Variants in DENND6A observed in about 807,000 individuals in gnomAD.
The protein encoded by DENND6A is DENN domain containing 6A.
In DENND6A, 43 loss-of-function variants were observed where a neutral mutation model predicts 95.5. That is an observed-to-expected ratio of 0.45 (90% CI 0.35 to 0.58). The LOEUF (loss-of-function observed/expected upper bound fraction) is 0.58. DENND6A is among the 20% of genes least tolerant of loss of function. The pLI, the probability that DENND6A is intolerant of heterozygous loss-of-function variation, is 0.00. For synonymous variants in DENND6A, 257 were observed against 260.4 expected (o/e 0.99, Z 0.13); for missense variants, 574 against 736.0 (o/e 0.78, Z 2.55).
At chr3:57,681,470 A>G (rs764404065) in intron 1 of DENND6A, among the ~76,000 whole-genome samples, 3 of 151,910 alleles carry the variant, frequency 2.0e-5, no homozygotes, top group Non-Finnish European at 4.4e-5. Context: ...CCTCAAAAAA[A>G]AAAATTAGGC....
intron 1 of DENND6A, among the ~76,000 whole-genome samples, chr3:57,678,362 C>T (rs1023961414): frequency 3.3e-5 from 5 of 152,196 alleles, no homozygotes; most frequent in African/African-American, 1.2e-4. Flanking sequence ...ACCTCACACA[C>T]TGAACTGCCC....
At position 57,627,222 on chromosome 3, in the gene DENND6A, C is replaced by G. The variant is rs1307745665; in HGVS notation, c.*992G>C. On this transcript the variant is annotated 3_prime_UTR_variant, in exon 20 of 20. Coordinates refer to ENST00000311128, the MANE Select transcript of DENND6A (RefSeq NM_152678.3). Reference sequence around the variant, plus strand: ...CCAGGGGTGTAATCTCAGCTCACTGCAACCTCCGCCTCCCAGGTTCAAGTG... The same window carrying G: ...CCAGGGGTGTAATCTCAGCTCACTGGAACCTCCGCCTCCCAGGTTCAAGTG... The G allele has an allele frequency of 6.6e-6, 1 of 152,238 alleles. No homozygotes were observed. The highest frequency in any genetic ancestry group is 2.4e-5 in the African/African-American group (1 of 41,436). The allele number at this position is 152,238 out of a possible 1,614,324, so 9.4% of individuals were successfully genotyped here.
Position 57,634,761 on chromosome 3 carries a change from G to T in DENND6A, c.1141C>A (p.Pro381Thr), listed in dbSNP as rs561255155. Residue 381 changes from proline (P) to threonine (T), a missense_variant, in exon 13 of 20, where the codon CCT becomes ACT. Physicochemically the swap from Pro to Thr is conservative, Grantham distance 38 (BLOSUM62 -1). Around this residue, in one of 2 missense-constraint regions of DENND6A, gnomAD observed 452 missense variants for 630.9 expected, o/e 0.72. Transcript: ENST00000311128. ...IGDLKPTGEI[P>T]KQVKVKKLKN... ...AGTTTTTTCACTTTAACCTGCTTAG[G>T]AATTTCACCTGAAGGAAGCAGCATA... 34 of 1,562,052 alleles carry T rather than the reference G, an allele frequency of 2.2e-5. No homozygotes were observed. Among genetic ancestry groups the T allele is most frequent in the Non-Finnish European group, 2.9e-5 (33 of 1,154,856 alleles).
chr3:57,645,732 G>A lies in DENND6A; in HGVS notation c.966C>T (p.Phe322=), dbSNP rs1332698390. 1 of 1,613,270 alleles carries A rather than the reference G, an allele frequency of 6.2e-7. No homozygotes were observed. The highest frequency in any genetic ancestry group is 8.5e-7 in the Non-Finnish European group (1 of 1,179,516). The change falls in exon 11 of 20, where the codon TTC becomes TTT. Residue 322 remains phenylalanine, a synonymous_variant. Transcript: ENST00000311128. The part of the protein sequence containing the change: ...LVNCISPLKY[F]SDFRPYFTIH... ...TAGTGAAATAAGGTCGGAAATCACT[G>A]AAGTACTTTAATGGAGAAATACAGC... is the stretch of plus-strand genomic sequence containing the variant.
chr3:57,681,845 G>A (rs138185626), intron 1 of DENND6A, among the ~76,000 whole-genome samples: 1 of 152,190 alleles, frequency 6.6e-6, no homozygotes, highest in African/African-American at 2.4e-5. Flanking sequence ...CTAGATGCCA[G>A]GGAAAAAGTG....
chr3:57,692,946 C>A lies in DENND6A; in HGVS notation c.73G>T (p.Glu25Ter). The A allele has an allele frequency of 6.4e-7, 1 of 1,550,712 alleles. No homozygotes were observed. Among genetic ancestry groups the A allele is most frequent in the Non-Finnish European group, 8.7e-7 (1 of 1,155,826 alleles). ...RPLDEAVAGA[E>*]GREAPALVAA... is the part of the protein sequence containing the mutation. ...ACAAGGGCCGGCGCCTCGCGGCCCT[C>A]GGCCCCTGCCACCGCTTCGTCCAAC... Residue 25 changes from glutamate (E) to a stop codon, truncating the protein, a stop_gained, in exon 1 of 20, where the codon GAG becomes TAG. Transcript: ENST00000311128. LOFTEE classifies it high-confidence loss of function.
chr3:57,644,999 T>C (rs1182581420), intron 11 of DENND6A, among the ~76,000 whole-genome samples: 1 of 151,718 alleles, frequency 6.6e-6, no homozygotes, highest in Non-Finnish European at 1.5e-5. Context: ...ATTTTTGTTG[T>C]TGCTTTAGAA....
chr3:57,663,307 A>G (rs564555939), intron 5 of DENND6A, among the ~76,000 whole-genome samples: 3 of 151,212 alleles, frequency 2.0e-5, no homozygotes, highest in African/African-American at 7.3e-5. Context: ...TCTACTAAAA[A>G]TACAAAAAAT....
At chr3:57,690,049 A>G (rs75803547) in intron 1 of DENND6A, among the ~76,000 whole-genome samples, 1 of 5,242 alleles carries the variant, frequency 1.9e-4, no homozygotes, top group African/African-American at 4.4e-4. Flanking sequence ...TCTCTAAGGA[A>G]AAAAAAAAAA....
chr3:57,646,202 CAAT>C (rs1383756697), intron 10 of DENND6A, 111 bp downstream of exon 10: 4 of 1,413,658 alleles, frequency 2.8e-6, no homozygotes, highest in Admixed American at 2.4e-5. Flanking sequence ...TGGATCAATG[CAAT>C]AATGGGTGGG....
chr3:57,645,070 A>G (rs2153413757), intron 11 of DENND6A, among the ~76,000 whole-genome samples: 1 of 152,136 alleles, frequency 6.6e-6, no homozygotes, highest in Middle Eastern at 3.4e-3. Context: ...GGGTAAGATT[A>G]TTTTTTCTTT....
rs1171049656 is a variant in DENND6A at position 57,675,742 on chromosome 3, C to CTT, written c.238-3305_238-3304insAA. Among the ~76,000 whole-genome samples the CTT allele has an allele frequency of 1.6e-4, 24 of 152,302 alleles. No homozygotes were observed. In the East Asian group the frequency reaches 4.4e-3, roughly 28 times the overall value. On this transcript the variant is annotated intron_variant, in intron 1 of 19. Transcript: ENST00000311128. ...ACACACTCTACAAGCCAACCAAACT[C>CTT]TATGTTATAACCAACCTGACCTCCT...
intron 12 of DENND6A, among the ~76,000 whole-genome samples, chr3:57,639,107 C>A (rs1204671133): frequency 4.6e-5 from 7 of 151,800 alleles, no homozygotes; most frequent in Non-Finnish European, 1.0e-4. Context: ...CACACACACA[C>A]AAAAAGACAA....
chr3:57,679,844 GC>G (rs2077146003), intron 1 of DENND6A, among the ~76,000 whole-genome samples: 1 of 152,148 alleles, frequency 6.6e-6, no homozygotes, highest in Non-Finnish European at 1.5e-5. Context: ...CGGGAGCTCA[GC>G]CACTACTGGT....
intron 3 of DENND6A, among the ~76,000 whole-genome samples, chr3:57,667,995 G>C (rs1559824371): frequency 6.6e-6 from 1 of 150,478 alleles, no homozygotes; most frequent in Non-Finnish European, 1.5e-5. Context: ...GAACACAGTA[G>C]GCAGAGGTTG....
chr3:57,657,434 T>C (rs2071348613), intron 9 of DENND6A, among the ~76,000 whole-genome samples: 1 of 152,290 alleles, frequency 6.6e-6, no homozygotes, highest in East Asian at 1.9e-4. Context: ...ATTATTACAA[T>C]ATAATTCTCA....
chr3:57,651,450 G>A (rs1404020982), intron 9 of DENND6A, among the ~76,000 whole-genome samples: 3 of 152,248 alleles, frequency 2.0e-5, no homozygotes, highest in South Asian at 2.1e-4. Flanking sequence ...TAAATGTAAT[G>A]TCCAAAACAG....
intron 3 of DENND6A, among the ~76,000 whole-genome samples, chr3:57,669,167 C>T (rs2071573095): frequency 6.6e-6 from 1 of 152,008 alleles, no homozygotes; most frequent in South Asian, 2.1e-4. Context: ...CAACTGCACC[C>T]GGCCTCCAAT....
intron 3 of DENND6A, among the ~76,000 whole-genome samples, chr3:57,669,677 T>G (rs190060690): frequency 1.3e-5 from 2 of 150,842 alleles, no homozygotes; most frequent in African/African-American, 4.9e-5. Context: ...ATCGCGCCAC[T>G]GCGCTCCAGC....
Sources: gnomAD v4.1 joint callset for allele counts (sites outside exome capture counted in the v4.1 genomes callset) on GRCh38, gnomAD v4.1.1 for gene constraint, gnomAD v4.1.1 regional missense constraint, MANE v1.5 for transcripts, NCBI Gene and HGNC (gene_info 2026-07-23, HGNC 2026-07-21) for gene names.